ITGA1: variants seen among roughly 807,000 people sequenced by gnomAD.
ITGA1 encodes the protein integrin alpha-1.
Under a neutral mutation model 145.9 loss-of-function variants are expected in ITGA1, and 85 were observed. That is an observed-to-expected ratio of 0.58 (90% confidence interval 0.49 to 0.70). The LOEUF (loss-of-function observed/expected upper bound fraction) is 0.70, where lower values mean the gene tolerates loss of function less well. Ranked by LOEUF, ITGA1 falls within the 30% of genes least tolerant of loss-of-function variation. ITGA1 has a pLI of 0.00. For missense variants in ITGA1, 1,351 were observed against 1,418.7 expected (o/e 0.95, Z 0.77); for synonymous variants, 520 against 495.3 (o/e 1.05, Z -0.66).
intron 2 of ITGA1, among the ~76,000 whole-genome samples, chr5:52,849,893 G>T (rs967211219): frequency 6.6e-6 from 1 of 151,996 alleles, no homozygotes; most frequent in South Asian, 2.1e-4. Context: ...CCGTGAGTTT[G>T]GTCTTTACTG....
chr5:52,947,452 A>G lies in ITGA1; in HGVS notation c.3486A>G (p.Ala1162=). 1 of 1,610,098 alleles carries G rather than the reference A, an allele frequency of 6.2e-7. No homozygotes were observed. Among genetic ancestry groups the G allele is most frequent in the Non-Finnish European group, 8.5e-7 (1 of 1,176,430 alleles). Reference sequence around the variant, plus strand: ...TGCTGTTAATGCTGCTCATTTTAGCACTGTGGAAGGTAAACACCAAAATTC... The same window carrying G: ...TGCTGTTAATGCTGCTCATTTTAGCGCTGTGGAAGGTAAACACCAAAATTC... The part of the protein sequence containing the change: ...GLLLLMLLIL[A]LWKIGFFKRP... The change falls in exon 28 of 29, where the codon GCA becomes GCG. Residue 1162 remains alanine (A), a synonymous_variant. Coordinates refer to ENST00000282588, the MANE Select transcript of ITGA1 (RefSeq NM_181501.2).
intron 28 of ITGA1, among the ~76,000 whole-genome samples, chr5:52,949,432 G>A (rs140846897): frequency 6.6e-6 from 1 of 152,108 alleles, no homozygotes; most frequent in Non-Finnish European, 1.5e-5. Context: ...ATTCACTCTG[G>A]TGTCCTTGCA....
intron 15 of ITGA1, among the ~76,000 whole-genome samples, chr5:52,918,098 A>T (rs984862076): frequency 6.6e-6 from 1 of 152,158 alleles, no homozygotes; most frequent in African/African-American, 2.4e-5. Flanking sequence ...TGGGCTTTCG[A>T]GTTAAAACGA....
In ITGA1 at chr5:52,915,588, T is replaced by A. The variant is rs1750633838; in HGVS notation, c.1982T>A (p.Leu661His). 1.2e-6 allele frequency: 2 copies of A among 1,613,626 alleles called. No individual in the cohort carries two copies. The highest frequency in any genetic ancestry group is 1.7e-6 in the Non-Finnish European group (2 of 1,179,856). Residue 661 changes from leucine to histidine, a missense_variant, in exon 15 of 29, where the codon CTC becomes CAC. By Grantham distance (99) the Leu-to-His change is moderately conservative. Coordinates refer to ENST00000282588, the MANE Select transcript of ITGA1 (RefSeq NM_181501.2). ...ATTGGGGGCCTTGGTGGTGCTGCCCTCTTCTGGTATGTATTTTAATAACAT... is the reference window on the plus strand; with the variant it reads ...ATTGGGGGCCTTGGTGGTGCTGCCCACTTCTGGTATGTATTTTAATAACAT... ...VTIGGLGGAALFWSRDVAVVK... is the reference protein window; with the variant it reads ...VTIGGLGGAAHFWSRDVAVVK...
chr5:52,887,699 A>AT, intron 7 of ITGA1, 116 bp from the exon 8 acceptor site: 1 of 921,176 alleles, frequency 1.1e-6, no homozygotes, highest in Non-Finnish European at 1.6e-6. Context: ...ATTGATGCTA[A>AT]TTTTGGAGGG....
intron 4 of ITGA1, 37 bp downstream of exon 4, chr5:52,864,888 T>TA: frequency 6.5e-7 from 1 of 1,542,136 alleles, no homozygotes; most frequent in Non-Finnish European, 8.9e-7. Flanking sequence ...TGACAACAGA[T>TA]ATGCTATCAT....
At chr5:52,808,667 T>A (rs1234093470) in intron 1 of ITGA1, among the ~76,000 whole-genome samples, 1 of 46,636 alleles carries the variant, frequency 2.1e-5, no homozygotes, top group Non-Finnish European at 4.3e-5. Flanking sequence ...TCTTTTTCTT[T>A]CTTTCTTTCT....
chr5:52,915,438 A>C (rs750385555), intron 14 of ITGA1, 26 bp from the exon 15 acceptor site: 1 of 1,610,344 alleles, frequency 6.2e-7, no homozygotes, highest in South Asian at 1.1e-5. Context: ...TTCTCATATG[A>C]AACTCTTTTT....
At chr5:52,805,551 A>G (rs1308700295) in intron 1 of ITGA1, among the ~76,000 whole-genome samples, 2 of 152,158 alleles carry the variant, frequency 1.3e-5, no homozygotes, top group Non-Finnish European at 2.9e-5. Context: ...CCAAAGGTAA[A>G]TCTCAGATTT....
intron 11 of ITGA1, 170 bp from the exon 12 acceptor site, chr5:52,905,593 T>C (rs1434586376): frequency 4.2e-6 from 2 of 476,362 alleles, no homozygotes; most frequent in Admixed American, 3.7e-5. Flanking sequence ...ATAGAGAGCA[T>C]ATTAAAAGCT....
chr5:52,910,117 A>G (rs772039999), intron 13 of ITGA1, 45 bp from the exon 14 acceptor site: 7 of 1,555,298 alleles, frequency 4.5e-6, no homozygotes, highest in Non-Finnish European at 6.2e-6. Flanking sequence ...ACTCTGCTGT[A>G]GTAATGATGG....
chr5:52,868,795 GGAAC>G (rs1749729579), intron 6 of ITGA1, among the ~76,000 whole-genome samples: 2 of 152,106 alleles, frequency 1.3e-5, no homozygotes, highest in Non-Finnish European at 2.9e-5. Flanking sequence ...TTCACCCAAG[GGAAC>G]CTGATTTTTA....
chr5:52,826,400 G>GTGC (rs1420848354), intron 1 of ITGA1, among the ~76,000 whole-genome samples: 1 of 152,244 alleles, frequency 6.6e-6, no homozygotes, highest in African/African-American at 2.4e-5. Context: ...TAACATAAAA[G>GTGC]TGCAAGGTGA....
chr5:52,914,049 G>A (rs1328919778), intron 14 of ITGA1, among the ~76,000 whole-genome samples: 1 of 152,180 alleles, frequency 6.6e-6, no homozygotes, highest in Non-Finnish European at 1.5e-5. Flanking sequence ...TAATGGGGTA[G>A]CATTTGAAGT....
rs1386141522 is a variant in ITGA1 at position 52,913,360 on chromosome 5, C to T, written c.1858-2104C>T. ...TTTATCCATTAAGTTGATATATTTTCGTCAAGTGAATTACGATTTCTAAAG... is the reference window on the plus strand; with the variant it reads ...TTTATCCATTAAGTTGATATATTTTTGTCAAGTGAATTACGATTTCTAAAG... On this transcript the variant is annotated intron_variant, in intron 14 of 28. Transcript: ENST00000282588. Among the ~76,000 whole-genome samples the T allele has an allele frequency of 5.9e-5, 9 of 152,186 alleles. No individual in the cohort carries two copies. The East Asian group carries it at 7.7e-4, about 13-fold the overall frequency.
chr5:52,935,180 C>G (rs1359448874), intron 23 of ITGA1, among the ~76,000 whole-genome samples: 1 of 151,876 alleles, frequency 6.6e-6, no homozygotes, highest in Non-Finnish European at 1.5e-5. Context: ...TTGTGTGTAT[C>G]TCTGATTATT....
At chr5:52,948,202 G>T (rs375303059) in intron 28 of ITGA1, among the ~76,000 whole-genome samples, 45 of 152,132 alleles carry the variant, frequency 3.0e-4, no homozygotes, top group Admixed American at 1.1e-3. Context: ...ACAGCTTTTG[G>T]GATAAGTTGA....
At chr5:52,912,023 GT>G (rs1750558528) in intron 14 of ITGA1, among the ~76,000 whole-genome samples, 4 of 107,002 alleles carry the variant, frequency 3.7e-5, no homozygotes, top group Non-Finnish European at 2.0e-5. Flanking sequence ...TATATGTATA[GT>G]GTGTATCTAC....
chr5:52,926,822 C>G (rs529462387), intron 19 of ITGA1, among the ~76,000 whole-genome samples: 19 of 152,024 alleles, frequency 1.2e-4, no homozygotes, highest in Non-Finnish European at 2.2e-4. Context: ...GCAACCATTT[C>G]TTGAGTCACA....
Sources: allele counts gnomAD v4.1 joint callset (sites outside exome capture counted in the v4.1 genomes callset), GRCh38; gene constraint gnomAD v4.1.1; transcripts MANE v1.5; gene names NCBI Gene and HGNC (gene_info 2026-07-23, HGNC 2026-07-21).